The following ANK2 variants were observed in gnomAD, a reference collection of about 807,000 sequenced individuals.
ANK2 encodes ankyrin 2.
ANK2 carries 83 observed loss-of-function variants against 360.5 expected under a neutral mutation model. The ratio of observed to expected loss-of-function variants is 0.23; its 90% CI spans 0.19 to 0.28. The LOEUF (loss-of-function observed/expected upper bound fraction) is 0.28. ANK2 is among the 10% of genes least tolerant of loss of function. The probability of loss-of-function intolerance (pLI) is 1.00; values close to 1 mark genes in which losing one functional copy is unlikely to be tolerated. For missense variants in ANK2, 4,201 were observed against 4,795.7 expected, an observed-to-expected ratio of 0.88 and a Z score of 3.66; for synonymous variants, 1,740 against 1,759.5, an observed-to-expected ratio of 0.99 and a Z score of 0.28.
chr4:112,839,066 T>G (rs1173307363), intron 1 of ANK2, among the ~76,000 whole-genome samples: 1 of 152,194 alleles, frequency 6.6e-6, no homozygotes, highest in Non-Finnish European at 1.5e-5. Context: ...TTTGTAATCT[T>G]TCCATTCTCA....
chr4:112,944,037 A>G (rs540890335), intron 2 of ANK2, among the ~76,000 whole-genome samples: 1 of 152,226 alleles, frequency 6.6e-6, no homozygotes, highest in South Asian at 2.1e-4. Context: ...ATTTTGCAGA[A>G]TTTTTCAGTC....
At chr4:112,805,913 G>A in the ANK2 span, among the ~76,000 whole-genome samples, 1 of 152,056 alleles carries the variant, frequency 6.6e-6, no homozygotes, top group Non-Finnish European at 1.5e-5. Flanking sequence ...AAATTTTTAA[G>A]CCTTTAATTA....
chr4:112,883,671 A>T (rs1450942739), intron 1 of ANK2, among the ~76,000 whole-genome samples: 1 of 152,034 alleles, frequency 6.6e-6, no homozygotes, highest in African/African-American at 2.4e-5. Context: ...TAAAAAAGCT[A>T]AAATTTGGAA....
chr4:112,861,912 T>C (rs1186991570), intron 1 of ANK2, among the ~76,000 whole-genome samples: 1 of 145,410 alleles, frequency 6.9e-6, no homozygotes, highest in African/African-American at 2.6e-5. Context: ...GTGGGAAAAC[T>C]TAACTAAGAA....
chr4:112,712,469 G>A, the ANK2 span, among the ~76,000 whole-genome samples: 29 of 144,060 alleles, frequency 2.0e-4, no homozygotes, highest in East Asian at 5.4e-3. Context: ...GTGCAGTGGC[G>A]TGATCTCGGT....
intron 45 of ANK2, among the ~76,000 whole-genome samples, chr4:113,379,675 C>T (rs2097099807): frequency 6.6e-6 from 1 of 152,024 alleles, no homozygotes; most frequent in Admixed American, 6.6e-5. Context: ...TTGACCTTTT[C>T]ATCAGCAAGA....
chr4:113,040,994 C>G (rs2062810329), intron 2 of ANK2, among the ~76,000 whole-genome samples: 1 of 152,014 alleles, frequency 6.6e-6, no homozygotes, highest in East Asian at 1.9e-4. Context: ...TTCTCACTTC[C>G]TCCTAGGACT....
the ANK2 span, among the ~76,000 whole-genome samples, chr4:112,732,268 G>A: frequency 4.6e-4 from 57 of 124,552 alleles, no homozygotes; most frequent in Middle Eastern, 5.6e-3. Flanking sequence ...TTTTTTTCAA[G>A]AAACAGGGTC....
chr4:112,777,476 C>T, the ANK2 span, among the ~76,000 whole-genome samples: 13 of 151,942 alleles, frequency 8.6e-5, no homozygotes, highest in South Asian at 4.2e-4. Context: ...CTCCTGACCT[C>T]GTGATCCGCC....
chr4:112,918,994 A>G (rs1178608844), intron 2 of ANK2, among the ~76,000 whole-genome samples: 2 of 152,100 alleles, frequency 1.3e-5, no homozygotes, highest in Non-Finnish European at 2.9e-5. Context: ...TTTCTATGGA[A>G]TTTCTATTTT....
intron 2 of ANK2, among the ~76,000 whole-genome samples, chr4:112,957,555 C>G (rs1162787466): frequency 6.6e-6 from 1 of 152,220 alleles, no homozygotes; most frequent in South Asian, 2.1e-4. Context: ...GGGTGGTGGC[C>G]GGGCAGAAGG....
chr4:112,712,402 A>G, the ANK2 span, among the ~76,000 whole-genome samples: 1 of 72,278 alleles, frequency 1.4e-5, no homozygotes, highest in Non-Finnish European at 2.7e-5. Context: ...ATATATATAT[A>G]TATATTTTTT....
chr4:112,791,969 G>C, the ANK2 span, among the ~76,000 whole-genome samples: 6 of 150,528 alleles, frequency 4.0e-5, no homozygotes, highest in Non-Finnish European at 7.4e-5. Flanking sequence ...TATGTTAGTA[G>C]ATGCTGGTAA....
At chr4:113,283,352 T>A (rs887351536) in intron 18 of ANK2, among the ~76,000 whole-genome samples, 3 of 152,194 alleles carry the variant, frequency 2.0e-5, no homozygotes, top group Admixed American at 2.0e-4. Context: ...CTGCTGGGCA[T>A]CTGAGGCACC....
intron 22 of ANK2, among the ~76,000 whole-genome samples, chr4:113,300,377 TGA>T (rs79287422): frequency 0.59 from 90,076 of 151,768 alleles, 26,859 homozygotes; most frequent in South Asian, 0.63. Context: ...CATTTCATCA[TGA>T]TATGGATTTT....
chr4:113,282,863 G>A lies in ANK2; in HGVS notation c.2070G>A (p.Met690Ile). 6.2e-7 allele frequency: 1 copy of A among 1,613,920 alleles called. No homozygotes were observed. The highest frequency in any genetic ancestry group is 8.5e-7 in the Non-Finnish European group (1 of 1,179,894). The part of the protein sequence containing the change: ...LLLDKGANIH[M>I]STKSGLTSLH... ...TGGATAAGGGAGCCAATATCCACAT[G>A]TCAACTAAGGTATTCTGTCCTTTCT... is the stretch of plus-strand genomic sequence containing the variant. Residue 690 changes from methionine to isoleucine, a missense_variant, in exon 18 of 46, where the codon ATG becomes ATA. Physicochemically the swap from Met to Ile is conservative, Grantham distance 10. Coordinates refer to ENST00000357077, the MANE Select transcript of ANK2 (RefSeq NM_001148.6).
intron 2 of ANK2, among the ~76,000 whole-genome samples, chr4:113,004,727 G>T (rs2052146007): frequency 6.6e-6 from 1 of 152,162 alleles, no homozygotes; most frequent in Non-Finnish European, 1.5e-5. Flanking sequence ...GTACCTAATT[G>T]TATATGCTAT....
chr4:112,739,085 G>C, the ANK2 span: 3 of 524,368 alleles, frequency 5.7e-6, no homozygotes, highest in Non-Finnish European at 1.1e-5. Flanking sequence ...ATGCCAGGCT[G>C]TGCAGCAAAG....
At position 113,373,329 on chromosome 4, in the gene ANK2, A is replaced by G. The variant is rs2154074630; in HGVS notation, c.11739A>G (p.Thr3913=). 6.2e-7 allele frequency: 1 copy of G among 1,614,224 alleles called. No homozygotes were observed. The highest frequency in any genetic ancestry group is 1.1e-5 in the South Asian group (1 of 91,088). The change falls in exon 45 of 46, where the codon ACA becomes ACG. Residue 3913 remains threonine, a synonymous_variant. Transcript: ENST00000357077. ...GGCGGTATGTATCCTCTGAAGGCAC[A>G]GAGAAAGAAGAGATTATGGTGCAGG... ...IIRRYVSSEG[T]EKEEIMVQGM...
Sources: allele counts gnomAD v4.1 joint callset (sites outside exome capture counted in the v4.1 genomes callset), GRCh38; gene constraint gnomAD v4.1.1; transcripts MANE v1.5; gene names NCBI Gene and HGNC (gene_info 2026-07-23, HGNC 2026-07-21).